F13A1: variants seen among roughly 807,000 people sequenced by gnomAD.
F13A1 encodes the protein coagulation factor XIII A chain.
F13A1 carries 47 observed loss-of-function variants against 80.1 expected under a neutral mutation model. That is an observed-to-expected ratio of 0.59 (90% CI 0.46 to 0.75). The LOEUF (loss-of-function observed/expected upper bound fraction) is 0.75, where lower values mean the gene tolerates loss of function less well. Ranked by LOEUF, F13A1 falls within the 30% of genes least tolerant of loss-of-function variation. The pLI is 0.00. For missense variants in F13A1, 817 were observed against 930.4 expected (o/e 0.88, Z 1.59); for synonymous variants, 349 against 344.9 (o/e 1.01, Z -0.13).
intron 3 of F13A1, among the ~76,000 whole-genome samples, chr6:6,272,244 T>C (rs1757931047): frequency 6.6e-6 from 1 of 152,208 alleles, no homozygotes; most frequent in Non-Finnish European, 1.5e-5. Context: ...ACATTAAAAA[T>C]ACAATGTCCT....
chr6:6,264,867 G>C (rs774434748), intron 4 of F13A1, among the ~76,000 whole-genome samples: 1 of 152,194 alleles, frequency 6.6e-6, no homozygotes, highest in Non-Finnish European at 1.5e-5. Flanking sequence ...TTGAATATCT[G>C]TCTCATAGAT....
At chr6:6,299,025 T>C (rs1451105841) in intron 3 of F13A1, among the ~76,000 whole-genome samples, 1 of 147,796 alleles carries the variant, frequency 6.8e-6, no homozygotes, top group Non-Finnish European at 1.5e-5. Flanking sequence ...TTTGGCTGGA[T>C]ATGAAATTCG....
At chr6:6,149,075 A>G (rs1760330294) in intron 14 of F13A1, among the ~76,000 whole-genome samples, 1 of 152,184 alleles carries the variant, frequency 6.6e-6, no homozygotes. Flanking sequence ...ATGAAGGGGA[A>G]GATGGGAAGA....
At chr6:6,190,628 G>C (rs1215608253) in intron 10 of F13A1, among the ~76,000 whole-genome samples, 22 of 152,060 alleles carry the variant, frequency 1.4e-4, no homozygotes, top group Non-Finnish European at 1.0e-4. Context: ...TCTCTTCAAA[G>C]CTGTCAGACA....
At chr6:6,308,215 G>T (rs1407462101) in intron 2 of F13A1, among the ~76,000 whole-genome samples, 2 of 151,924 alleles carry the variant, frequency 1.3e-5, no homozygotes, top group Non-Finnish European at 2.9e-5. Flanking sequence ...ATAGAGACGG[G>T]GTTTCACCAT....
chr6:6,195,891 T>A lies in F13A1; in HGVS notation c.1217-6A>T. On this transcript the variant is annotated splice_polypyrimidine_tract_variant and splice_region_variant and intron_variant, in intron 9 of 14. Coordinates refer to ENST00000264870, the MANE Select transcript of F13A1 (RefSeq NM_000129.4). Reference sequence around the variant, plus strand: ...GGGGCCACACCGATACATGCCTGCATTGCACAGAGGAAGGGCGGTGTGAGT... The same window carrying A: ...GGGGCCACACCGATACATGCCTGCAATGCACAGAGGAAGGGCGGTGTGAGT... 6.2e-7 allele frequency: 1 copy of A among 1,613,936 alleles called. No individual in the cohort carries two copies.
chr6:6,312,025 C>CT (rs1758609570), intron 2 of F13A1, among the ~76,000 whole-genome samples: 2 of 147,086 alleles, frequency 1.4e-5, no homozygotes, highest in African/African-American at 4.9e-5. Flanking sequence ...TATAAGCAAA[C>CT]TTTTTATATA....
At chr6:6,191,885 T>C (rs1319684749) in intron 10 of F13A1, among the ~76,000 whole-genome samples, 1 of 152,028 alleles carries the variant, frequency 6.6e-6, no homozygotes, top group Non-Finnish European at 1.5e-5. Flanking sequence ...AAGGGAGAAA[T>C]GGAGTACACA....
intron 10 of F13A1, among the ~76,000 whole-genome samples, chr6:6,184,264 G>C (rs1245835273): frequency 6.6e-6 from 1 of 152,260 alleles, no homozygotes; most frequent in Non-Finnish European, 1.5e-5. Context: ...GCTAGGAGCT[G>C]CTGGAGAAGC....
chr6:6,199,502 A>G, intron 8 of F13A1, among the ~76,000 whole-genome samples: 1 of 151,740 alleles, frequency 6.6e-6, no homozygotes, highest in East Asian at 1.9e-4. Context: ...CAGAAAAAAA[A>G]AAAAAGAACA....
intron 6 of F13A1, among the ~76,000 whole-genome samples, chr6:6,233,231 T>C (rs1185538443): frequency 4.0e-5 from 6 of 150,776 alleles, no homozygotes; most frequent in Admixed American, 4.0e-4. Context: ...AGAGAGAAAA[T>C]CCAAATAACC....
intron 5 of F13A1, 88 bp from the exon 6 acceptor site, chr6:6,248,507 C>G: frequency 1.0e-6 from 1 of 995,846 alleles, no homozygotes; most frequent in South Asian, 1.4e-5. Context: ...AAACCACAAC[C>G]TAATGTTTAG....
At chr6:6,170,836 C>T (rs1390517633) in intron 12 of F13A1, among the ~76,000 whole-genome samples, 3 of 152,110 alleles carry the variant, frequency 2.0e-5, no homozygotes, top group Non-Finnish European at 2.9e-5. Context: ...TTTTGCAATA[C>T]ACTGCAATTT....
chr6:6,210,876 G>A (rs929570445), intron 8 of F13A1, among the ~76,000 whole-genome samples: 3 of 152,084 alleles, frequency 2.0e-5, no homozygotes, highest in African/African-American at 7.2e-5. Flanking sequence ...TTACAGGCAT[G>A]CACCACCACG....
chr6:6,167,364 AC>A, intron 13 of F13A1, 93 bp downstream of exon 13: 7 of 937,356 alleles, frequency 7.5e-6, no homozygotes, highest in Non-Finnish European at 9.3e-6. Context: ...ACATTCATTC[AC>A]ACACACACAC....
chr6:6,309,774 T>C (rs1181594450), intron 2 of F13A1, among the ~76,000 whole-genome samples: 2 of 152,148 alleles, frequency 1.3e-5, no homozygotes, highest in Admixed American at 6.5e-5. Flanking sequence ...GTTAAGAAGC[T>C]GTTGCAGTGT....
rs10584369 is a variant in F13A1, at chr6:6,281,993, CAAAAAAA to C, written c.320-15191_320-15185del. On this transcript the variant is annotated intron_variant, in intron 3 of 14. Coordinates refer to ENST00000264870, the MANE Select transcript of F13A1 (RefSeq NM_000129.4). ...TGGGCGACAGAGTGAGACTCCGTCT[CAAAAAAA>C]AAAAAAAAAAAAAAAATGTATGGAG... 7.5e-5 allele frequency among the ~76,000 whole-genome samples: 7 copies of C among 93,384 alleles called. No individual in the cohort carries two copies. In the East Asian group the frequency reaches 1.9e-3, roughly 26 times the overall value. 61.3% of individuals were successfully genotyped at this position (93,384 alleles called of 152,430 possible).
intron 8 of F13A1, among the ~76,000 whole-genome samples, chr6:6,203,021 T>G (rs1174670440): frequency 6.6e-6 from 1 of 152,136 alleles, no homozygotes; most frequent in Non-Finnish European, 1.5e-5. Context: ...CAAAGACAAG[T>G]GTGTTATGTA....
intron 3 of F13A1, among the ~76,000 whole-genome samples, chr6:6,285,932 A>C (rs368277882): frequency 6.6e-6 from 1 of 152,334 alleles, no homozygotes. Context: ...CTCCAGGGAC[A>C]CTCAACTGGT....
Sources: gnomAD v4.1 joint callset for allele counts (sites outside exome capture counted in the v4.1 genomes callset) on GRCh38, gnomAD v4.1.1 for gene constraint, MANE v1.5 for transcripts, NCBI Gene and HGNC (gene_info 2026-07-23, HGNC 2026-07-21) for gene names.